The following TLE4 variants were observed in gnomAD, a reference collection of about 807,000 sequenced individuals.
The protein encoded by TLE4 is transducin-like enhancer protein 4.
In TLE4, 8 loss-of-function variants were observed where a neutral mutation model predicts 92.8. That is an observed-to-expected ratio of 0.09 (90% confidence interval 0.05 to 0.16). The LOEUF is 0.16. TLE4 is among the 10% of genes least tolerant of loss of function. The pLI, the probability that TLE4 is intolerant of heterozygous loss-of-function variation, is 1.00. For synonymous variants in TLE4, 371 were observed against 374.1 expected (o/e 0.99, Z 0.10); for missense variants, 675 against 997.6 (o/e 0.68, Z 4.36).
At chr9:79,710,998 G>A (rs1048397749) in intron 14 of TLE4, among the ~76,000 whole-genome samples, 1 of 151,954 alleles carries the variant, frequency 6.6e-6, no homozygotes, top group African/African-American at 2.4e-5. Context: ...CCACACACTC[G>A]GGCACTTAGT....
intron 16 of TLE4, among the ~76,000 whole-genome samples, chr9:79,720,579 G>A (rs10512090): frequency 0.12 from 17,489 of 151,798 alleles, 1,199 homozygotes; most frequent in African/African-American, 0.18. Context: ...CTAAAGCATC[G>A]CCAATTTGTT....
At chr9:79,698,357 C>T (rs1565002866) in intron 8 of TLE4, among the ~76,000 whole-genome samples, 1 of 152,108 alleles carries the variant, frequency 6.6e-6, no homozygotes, top group Non-Finnish European at 1.5e-5. Flanking sequence ...CCAGGTTTCT[C>T]TTACCAGTAG....
chr9:79,653,630 A>G (rs1423779842), intron 7 of TLE4, among the ~76,000 whole-genome samples: 1 of 152,212 alleles, frequency 6.6e-6, no homozygotes, highest in South Asian at 2.1e-4. Context: ...CATAATTAAA[A>G]GCTCATACCC....
At chr9:79,602,665 A>C in intron 4 of TLE4, among the ~76,000 whole-genome samples, 1 of 152,154 alleles carries the variant, frequency 6.6e-6, no homozygotes, top group Non-Finnish European at 1.5e-5. Context: ...GTACCTAGTC[A>C]CCCAAGAGCT....
intron 8 of TLE4, among the ~76,000 whole-genome samples, chr9:79,662,875 G>C (rs1436215005): frequency 6.6e-6 from 1 of 152,130 alleles, no homozygotes; most frequent in Admixed American, 6.6e-5. Flanking sequence ...GTAAGCTGTT[G>C]CTTCTATTGA....
At chr9:79,672,358 C>CA (rs2062553798) in intron 8 of TLE4, among the ~76,000 whole-genome samples, 1 of 152,074 alleles carries the variant, frequency 6.6e-6, no homozygotes, top group South Asian at 2.1e-4. Flanking sequence ...TGTGGGCGGG[C>CA]AGTGAGGGGC....
chr9:79,592,315 G>T (rs1369032694), intron 4 of TLE4, among the ~76,000 whole-genome samples: 1 of 129,572 alleles, frequency 7.7e-6, no homozygotes, highest in African/African-American at 2.9e-5. Flanking sequence ...TCACTCTGAT[G>T]CCCAGGCTGG....
intron 1 of TLE4, chr9:79,573,188 C>T (rs2036383769): frequency 3.1e-6 from 3 of 967,956 alleles, no homozygotes; most frequent in Non-Finnish European, 3.8e-6. Flanking sequence ...CCCTCGGCAG[C>T]GGCGCTGCTG....
chr9:79,675,065 A>G lies in TLE4; in HGVS notation c.609+20990A>G, dbSNP rs186573784. Among the ~76,000 whole-genome samples, 191 of 152,276 alleles carry G rather than the reference A, an allele frequency of 1.3e-3. 1 individual carries two copies. Among genetic ancestry groups the G allele is most frequent in the African/African-American group, 4.1e-3 (170 of 41,568 alleles). ...TGGTTGGTTTTTTTTATAACCACTA[A>G]CCAGATGTAGTGATAATACTTTATA... On this transcript the variant is annotated intron_variant, in intron 8 of 19. Transcript: ENST00000376552.
chr9:79,613,758 A>C (rs2133104135), intron 5 of TLE4, among the ~76,000 whole-genome samples: 1 of 152,154 alleles, frequency 6.6e-6, no homozygotes, highest in South Asian at 2.1e-4. Context: ...CCAATATTTG[A>C]GCCTGCATGT....
At chr9:79,634,965 T>C (rs369280781) in intron 6 of TLE4, among the ~76,000 whole-genome samples, 3 of 152,208 alleles carry the variant, frequency 2.0e-5, no homozygotes, top group Non-Finnish European at 4.4e-5. Flanking sequence ...ATGTAAGTTA[T>C]ATCTTTTGGG....
chr9:79,672,206 CT>C (rs1241222733), intron 8 of TLE4, among the ~76,000 whole-genome samples: 7 of 151,786 alleles, frequency 4.6e-5, no homozygotes, highest in Non-Finnish European at 1.0e-4. Context: ...TTCATATTTT[CT>C]TAATAAGAAT....
chr9:79,630,731 C>T (rs2053939091), intron 6 of TLE4, among the ~76,000 whole-genome samples: 1 of 152,122 alleles, frequency 6.6e-6, no homozygotes, highest in Non-Finnish European at 1.5e-5. Flanking sequence ...AATTGAGTCA[C>T]CTGACTATCT....
intron 8 of TLE4, among the ~76,000 whole-genome samples, chr9:79,664,561 G>A (rs2061072218): frequency 6.6e-6 from 1 of 152,118 alleles, no homozygotes; most frequent in Non-Finnish European, 1.5e-5. Flanking sequence ...CCTTATTTAG[G>A]GAAATTTTAA....
At chr9:79,642,565 T>C (rs1169147867) in intron 6 of TLE4, among the ~76,000 whole-genome samples, 1 of 152,078 alleles carries the variant, frequency 6.6e-6, no homozygotes, top group Non-Finnish European at 1.5e-5. Flanking sequence ...ACTAAAAATT[T>C]TTCTTAAGTA....
intron 8 of TLE4, among the ~76,000 whole-genome samples, chr9:79,676,338 CT>C (rs1459037961): frequency 6.6e-6 from 1 of 152,036 alleles, no homozygotes; most frequent in Non-Finnish European, 1.5e-5. Flanking sequence ...AAGAAAATGC[CT>C]TTATGAAGCC....
chr9:79,726,595 C>T lies in TLE4; in HGVS notation c.*1451C>T, dbSNP rs2076395618. The stretch of plus-strand genomic sequence containing the variant: ...TAGTGTTTGATGTCATTAACAGTTT[C>T]GTAAAACTCTACAGTGTAGAAAGAT... On this transcript the variant is annotated 3_prime_UTR_variant, in exon 20 of 20. Transcript: ENST00000376552. 1.3e-5 allele frequency: 2 copies of T among 152,500 alleles called. No homozygotes were observed. The highest frequency in any genetic ancestry group is 2.9e-5 in the Non-Finnish European group (2 of 68,030). 9.4% of individuals were successfully genotyped at this position (152,500 alleles called of 1,614,324 possible).
chr9:79,692,904 C>T (rs578127728), intron 8 of TLE4, among the ~76,000 whole-genome samples: 1 of 152,278 alleles, frequency 6.6e-6, no homozygotes, highest in South Asian at 2.1e-4. Flanking sequence ...CAGACTATAG[C>T]AGTGACAATC....
At chr9:79,672,506 C>T (rs928555330) in intron 8 of TLE4, among the ~76,000 whole-genome samples, 17 of 152,108 alleles carry the variant, frequency 1.1e-4, no homozygotes, top group Non-Finnish European at 5.9e-5. Flanking sequence ...CCTGCATGAC[C>T]TGTTTTTGTG....
Sources: allele counts gnomAD v4.1 joint callset (sites outside exome capture counted in the v4.1 genomes callset), GRCh38; gene constraint gnomAD v4.1.1; transcripts MANE v1.5; gene names NCBI Gene and HGNC (gene_info 2026-07-23, HGNC 2026-07-21).